STRIP2: variants seen among roughly 807,000 people sequenced by gnomAD.
STRIP2 encodes the protein striatin-interacting protein 2.
In STRIP2, 84 loss-of-function variants were observed where a neutral mutation model predicts 107.1. The ratio of observed to expected loss-of-function variants is 0.78; its 90% CI spans 0.66 to 0.94. The LOEUF (loss-of-function observed/expected upper bound fraction) is 0.94. STRIP2 is among the 40% of genes least tolerant of loss of function. The pLI is 0.00. For synonymous variants in STRIP2, 394 were observed against 400.4 expected (o/e 0.98, Z 0.19); for missense variants, 888 against 1,034.2 (o/e 0.86, Z 1.94).
intron 18 of STRIP2, among the ~76,000 whole-genome samples, chr7:129,477,555 G>T (rs900749217): frequency 5.3e-5 from 8 of 152,040 alleles, no homozygotes; most frequent in African/African-American, 2.4e-5. Context: ...CTTGTAGTTT[G>T]TTAAAGTTTC....
chr7:129,454,804 G>A (rs147886792), intron 7 of STRIP2, among the ~76,000 whole-genome samples: 103 of 152,242 alleles, frequency 6.8e-4, no homozygotes, highest in Middle Eastern at 3.4e-3. Context: ...ACTCTATCAC[G>A]AGTCCCACAT....
chr7:129,477,712 A>G (rs900725939), intron 18 of STRIP2, among the ~76,000 whole-genome samples: 1 of 152,250 alleles, frequency 6.6e-6, no homozygotes, highest in African/African-American at 2.4e-5. Flanking sequence ...GAATTATTCT[A>G]TAATGGTGTT....
intron 2 of STRIP2, 21 bp downstream of exon 2, chr7:129,440,112 T>C (rs750784182): frequency 6.2e-7 from 1 of 1,608,076 alleles, no homozygotes; most frequent in Non-Finnish European, 8.5e-7. Flanking sequence ...GATGGGTCAG[T>C]AGCTAGTGGA....
chr7:129,455,808 A>G (rs1366694036), intron 8 of STRIP2, among the ~76,000 whole-genome samples: 1 of 151,620 alleles, frequency 6.6e-6, no homozygotes, highest in African/African-American at 2.4e-5. Context: ...AATAAAAATA[A>G]TTTTTTCTTA....
chr7:129,437,318 G>A (rs187968721), intron 1 of STRIP2, among the ~76,000 whole-genome samples: 84 of 152,094 alleles, frequency 5.5e-4, no homozygotes, highest in African/African-American at 1.9e-3. Context: ...ATGATGGTGC[G>A]CGCCTGTTGT....
At position 129,434,560 on chromosome 7, in the gene STRIP2, A is replaced by G; in HGVS notation, c.88A>G (p.Lys30Glu). 6.6e-7 allele frequency: 1 copy of G among 1,516,474 alleles called. No individual in the cohort carries two copies. Among genetic ancestry groups the G allele is most frequent in the Non-Finnish European group, 8.8e-7 (1 of 1,138,938 alleles). The allele number at this position is 1,516,474 out of a possible 1,614,324, so 93.9% of individuals were successfully genotyped here. Reference sequence around the variant, plus strand: ...CGGCAAAGGGAAGCAGGCGGCGCCCAAGGGCCGCGAAGCGTTCCGAAGCCA... The same window carrying G: ...CGGCAAAGGGAAGCAGGCGGCGCCCGAGGGCCGCGAAGCGTTCCGAAGCCA... ...GGGKGKQAAPKGREAFRSQRR... is the reference protein window; with the variant it reads ...GGGKGKQAAPEGREAFRSQRR... Residue 30 changes from lysine (K) to glutamate (E), a missense_variant, in exon 1 of 21, where the codon AAG (lysine) becomes GAG (glutamate). Lys to Glu is a moderately conservative substitution (Grantham distance 56). Transcript: ENST00000249344.
intron 17 of STRIP2, among the ~76,000 whole-genome samples, chr7:129,469,474 C>T (rs529867521): frequency 5.3e-5 from 8 of 152,304 alleles, no homozygotes; most frequent in Admixed American, 2.6e-4. Flanking sequence ...ATTTCCTGGT[C>T]GCCGGCAACT....
chr7:129,473,366 TTC>T (rs1285322528), intron 18 of STRIP2, among the ~76,000 whole-genome samples: 4 of 152,214 alleles, frequency 2.6e-5, no homozygotes, highest in Non-Finnish European at 5.9e-5. Flanking sequence ...GACAATTTTT[TTC>T]TTTCTTTTTT....
At chr7:129,477,627 C>G (rs1330008731) in intron 18 of STRIP2, among the ~76,000 whole-genome samples, 1 of 152,150 alleles carries the variant, frequency 6.6e-6, no homozygotes, top group Non-Finnish European at 1.5e-5. Context: ...ACTTGAGAAC[C>G]ATTACTCTCT....
chr7:129,443,630 CTAAG>C (rs1177660842), intron 2 of STRIP2, among the ~76,000 whole-genome samples: 2 of 152,312 alleles, frequency 1.3e-5, no homozygotes, highest in South Asian at 4.1e-4. Context: ...GATCTTTCCT[CTAAG>C]TTTCAGGAGT....
In STRIP2 at chr7:129,461,881, A is replaced by G. The variant is rs1032089968; in HGVS notation, c.1477-1085A>G. Among the ~76,000 whole-genome samples the G allele has an allele frequency of 6.6e-6, 1 of 152,208 alleles. No individual in the cohort carries two copies. The highest frequency in any genetic ancestry group is 2.4e-5 in the African/African-American group (1 of 41,464). On this transcript the variant is annotated intron_variant, in intron 13 of 20. Coordinates refer to ENST00000249344, the MANE Select transcript of STRIP2 (RefSeq NM_020704.3). This position sits in a 1 kb window ranked among gnomAD's most constrained non-coding sequence, Gnocchi z 4.0. ...TTTTGTTTCCTAAAATAAGTGATCC[A>G]AGAGAGGGGATAATTGCAGGACTGA...
intron 17 of STRIP2, among the ~76,000 whole-genome samples, chr7:129,467,902 G>GTATA (rs1798709151): frequency 6.6e-6 from 1 of 152,056 alleles, no homozygotes; most frequent in Non-Finnish European, 1.5e-5. Context: ...TCAATTTGTA[G>GTATA]TTTAAAAAAA....
Position 129,456,637 on chromosome 7 carries a change from C to G in STRIP2, c.1033C>G (p.Arg345Gly), listed in dbSNP as rs750210187. The G allele has an allele frequency of 3.0e-5, 49 of 1,613,612 alleles. No individual in the cohort carries two copies. The Admixed American group carries it at 7.7e-4, about 25-fold the overall frequency. Residue 345 changes from arginine to glycine, a missense_variant, in exon 9 of 21, where the codon CGA becomes GGA. Arg to Gly is a moderately radical substitution (Grantham distance 125). Transcript: ENST00000249344. ...PSKLRGRRGS[R>G]RQLLTKQDSL... Reference sequence around the variant, plus strand: ...CAAGCTGCGAGGCCGCCGTGGCTCTCGAAGGGTATGGACTGAAGCAGACAA... The same window carrying G: ...CAAGCTGCGAGGCCGCCGTGGCTCTGGAAGGGTATGGACTGAAGCAGACAA...
chr7:129,471,544 C>A (rs896506661), intron 18 of STRIP2, among the ~76,000 whole-genome samples: 1 of 99,152 alleles, frequency 1.0e-5, no homozygotes, highest in African/African-American at 2.7e-5. Flanking sequence ...GTTACTACAA[C>A]CCTTTGTCCT....
intron 2 of STRIP2, among the ~76,000 whole-genome samples, chr7:129,441,949 A>G (rs712692): frequency 0.85 from 128,781 of 152,216 alleles, 55,462 homozygotes; most frequent in East Asian, 0.96. Context: ...ATGCTTGGCC[A>G]GGTACGGTAG....
At chr7:129,480,720 C>T (rs1799094522) in intron 18 of STRIP2, 65 bp from the exon 19 acceptor site, 1 of 1,390,578 alleles carries the variant, frequency 7.2e-7, no homozygotes, top group Non-Finnish European at 1.0e-6. Flanking sequence ...ACATTGACTT[C>T]CAGGCTTCTG....
chr7:129,442,819 A>G (rs921019513), intron 2 of STRIP2, among the ~76,000 whole-genome samples: 3 of 152,226 alleles, frequency 2.0e-5, no homozygotes, highest in Non-Finnish European at 4.4e-5. Context: ...TGGCTGGAAC[A>G]TAAGTGAATT....
chr7:129,459,382 G>A, intron 11 of STRIP2, 135 bp from the exon 12 acceptor site: 3 of 712,494 alleles, frequency 4.2e-6, no homozygotes, highest in East Asian at 5.0e-5. Flanking sequence ...CTACGAGCTT[G>A]CAGAGGAAGG....
At chr7:129,447,838 C>T (rs1313568381) in intron 3 of STRIP2, among the ~76,000 whole-genome samples, 1 of 152,216 alleles carries the variant, frequency 6.6e-6, no homozygotes, top group East Asian at 1.9e-4. Context: ...TTACGATAAT[C>T]CACTGACATT....
Sources: allele counts gnomAD v4.1 joint callset (sites outside exome capture counted in the v4.1 genomes callset), GRCh38; gene constraint gnomAD v4.1.1; non-coding constraint Gnocchi (gnomAD v3.1); transcripts MANE v1.5; gene names NCBI Gene and HGNC (gene_info 2026-07-23, HGNC 2026-07-21).